The following TMC1 variants were observed in gnomAD, a reference collection of about 807,000 sequenced individuals.
TMC1 encodes the protein transmembrane channel like 1.
TMC1 carries 84 observed loss-of-function variants against 105.8 expected under a neutral mutation model. That is an observed-to-expected ratio of 0.79 (90% CI 0.67 to 0.95). The LOEUF (loss-of-function observed/expected upper bound fraction) is 0.95. Among genes scored for constraint, TMC1 ranks in the 40% least tolerant of loss-of-function variants. TMC1 has a pLI of 0.00. For missense variants in TMC1, 817 were observed against 914.1 expected (o/e 0.89, Z 1.37); for synonymous variants, 315 against 311.5 (o/e 1.01, Z -0.12).
intron 13 of TMC1, among the ~76,000 whole-genome samples, chr9:72,786,312 C>T (rs1054833005): frequency 1.3e-4 from 20 of 152,022 alleles, no homozygotes; most frequent in African/African-American, 4.3e-4. Context: ...GGCATGGTGG[C>T]GGGCGCCTGT....
intron 13 of TMC1, among the ~76,000 whole-genome samples, chr9:72,774,920 G>A (rs1023299230): frequency 6.6e-6 from 1 of 152,098 alleles, no homozygotes; most frequent in Non-Finnish European, 1.5e-5. Context: ...TGGAATAGAA[G>A]GTAACCTAAG....
chr9:72,755,122 G>A (rs1449191329), intron 12 of TMC1, among the ~76,000 whole-genome samples: 1 of 151,678 alleles, frequency 6.6e-6, no homozygotes, highest in Non-Finnish European at 1.5e-5. Flanking sequence ...GAGAAAGAAA[G>A]AAAGAAAGAA....
At chr9:72,624,321 G>A (rs1564452191) in intron 3 of TMC1, among the ~76,000 whole-genome samples, 2 of 152,188 alleles carry the variant, frequency 1.3e-5, no homozygotes, top group African/African-American at 4.8e-5. Flanking sequence ...GCACATGGTT[G>A]TTGAGAGTCT....
intron 2 of TMC1, among the ~76,000 whole-genome samples, chr9:72,615,436 GA>G (rs1455819472): frequency 6.6e-6 from 1 of 152,100 alleles, no homozygotes; most frequent in Admixed American, 6.6e-5. Flanking sequence ...TGATAAATGT[GA>G]AAAGATAATT....
chr9:72,777,050 A>G (rs1828017067), intron 13 of TMC1, among the ~76,000 whole-genome samples: 1 of 152,132 alleles, frequency 6.6e-6, no homozygotes, highest in African/African-American at 2.4e-5. Context: ...TCCTTGTTCT[A>G]CAAGACTCTT....
intron 2 of TMC1, among the ~76,000 whole-genome samples, chr9:72,612,677 A>G (rs537882288): frequency 1.3e-5 from 2 of 152,316 alleles, no homozygotes; most frequent in East Asian, 1.9e-4. Context: ...CCCATAGGCT[A>G]TAATTGAAAG....
At chr9:72,603,569 G>A (rs1369116176) in intron 2 of TMC1, among the ~76,000 whole-genome samples, 1 of 151,952 alleles carries the variant, frequency 6.6e-6, no homozygotes, top group Non-Finnish European at 1.5e-5. Context: ...TGTTGTTGTT[G>A]TTGTTGCTGT....
intron 2 of TMC1, among the ~76,000 whole-genome samples, chr9:72,606,302 T>G (rs115731990): frequency 6.6e-6 from 1 of 152,108 alleles, no homozygotes; most frequent in Non-Finnish European, 1.5e-5. Flanking sequence ...CCCAAAAGCA[T>G]GGAATGGGGG....
At chr9:72,636,844 A>G (rs971864650) in intron 4 of TMC1, among the ~76,000 whole-genome samples, 2 of 152,104 alleles carry the variant, frequency 1.3e-5, no homozygotes, top group Non-Finnish European at 2.9e-5. Flanking sequence ...TCTGGAGACA[A>G]TTTTGGAACT....
At chr9:72,833,333 C>T (rs1829071751) in intron 23 of TMC1, among the ~76,000 whole-genome samples, 1 of 152,040 alleles carries the variant, frequency 6.6e-6, no homozygotes, top group Admixed American at 6.6e-5. Flanking sequence ...ATTTAATTTC[C>T]AAATCTCTGC....
intron 5 of TMC1, among the ~76,000 whole-genome samples, chr9:72,682,812 G>C (rs1045582008): frequency 6.6e-6 from 1 of 152,136 alleles, no homozygotes; most frequent in Non-Finnish European, 1.5e-5. Flanking sequence ...GGTTTAATTG[G>C]CTCATGGTTC....
At chr9:72,600,510 C>G (rs1004288759) in intron 2 of TMC1, among the ~76,000 whole-genome samples, 6 of 152,086 alleles carry the variant, frequency 3.9e-5, no homozygotes, top group Non-Finnish European at 7.3e-5. Flanking sequence ...TATATTAACA[C>G]AGTTTCATAA....
intron 5 of TMC1, among the ~76,000 whole-genome samples, chr9:72,674,788 C>T (rs894188845): frequency 2.0e-5 from 3 of 152,168 alleles, no homozygotes; most frequent in Non-Finnish European, 4.4e-5. Context: ...CAGAATTCAA[C>T]ACCACAGAAT....
At position 72,688,769 on chromosome 9, in the gene TMC1, G is replaced by A; in HGVS notation, c.64+13G>A. 1 of 1,602,402 alleles carries A rather than the reference G, an allele frequency of 6.2e-7. No homozygotes were observed. The highest frequency in any genetic ancestry group is 8.5e-7 in the Non-Finnish European group (1 of 1,170,726). Reference sequence around the variant, plus strand: ...GAGGAAAGCTCAAGTAAGTGGTGATGGGCCACTTGGGATACATTTCCTATG... The same window carrying A: ...GAGGAAAGCTCAAGTAAGTGGTGATAGGCCACTTGGGATACATTTCCTATG... On this transcript the variant is annotated intron_variant, in intron 6 of 23. Transcript: ENST00000297784.
chr9:72,569,902 TGAA>T (rs1824242371), intron 1 of TMC1, among the ~76,000 whole-genome samples: 1 of 152,074 alleles, frequency 6.6e-6, no homozygotes, highest in African/African-American at 2.4e-5. Flanking sequence ...TCCTGAGGCG[TGAA>T]GAAGAACCGA....
intron 5 of TMC1, among the ~76,000 whole-genome samples, chr9:72,674,615 A>G (rs1267494720): frequency 6.6e-6 from 1 of 152,194 alleles, no homozygotes; most frequent in Non-Finnish European, 1.5e-5. Flanking sequence ...TCCCAGACCT[A>G]CTGAACCAGA....
chr9:72,772,425 T>C lies in TMC1; in HGVS notation c.754T>C (p.Tyr252His). 6.2e-7 allele frequency: 1 copy of C among 1,613,890 alleles called. No homozygotes were observed. The highest frequency in any genetic ancestry group is 1.7e-5 in the Admixed American group (1 of 60,008). Residue 252 changes from tyrosine to histidine, a missense_variant, in exon 13 of 24, where the codon TAT becomes CAT. Coordinates refer to ENST00000297784, the MANE Select transcript of TMC1 (RefSeq NM_138691.3). ...TGTTGGATTTCAGGGTTTGGCACAATATTCCGTTCTCTTTTATGGCTATTA... is the reference window on the plus strand; with the variant it reads ...TGTTGGATTTCAGGGTTTGGCACAACATTCCGTTCTCTTTTATGGCTATTA... ...VLYDFNGLAQ[Y>H]SVLFYGYYDN...
At chr9:72,790,131 T>C (rs969418883) in intron 15 of TMC1, among the ~76,000 whole-genome samples, 1 of 152,200 alleles carries the variant, frequency 6.6e-6, no homozygotes, top group African/African-American at 2.4e-5. Flanking sequence ...TGTGACGTCA[T>C]TTTGAGCTTG....
At chr9:72,688,843 C>A in intron 6 of TMC1, 87 bp downstream of exon 6, 1 of 1,112,178 alleles carries the variant, frequency 9.0e-7, no homozygotes, top group Non-Finnish European at 1.3e-6. Context: ...CTTGAGCTAC[C>A]ATATGTAAGC....
Sources: gnomAD v4.1 joint callset for allele counts (sites outside exome capture counted in the v4.1 genomes callset) on GRCh38, gnomAD v4.1.1 for gene constraint, MANE v1.5 for transcripts, NCBI Gene and HGNC (gene_info 2026-07-23, HGNC 2026-07-21) for gene names.